Variants in SGSM1 observed in about 807,000 individuals in gnomAD.
The protein encoded by SGSM1 is RUN and TBC1 domain containing 2.
Under a neutral mutation model 133.8 loss-of-function variants are expected in SGSM1, and 73 were observed. The observed-to-expected ratio is 0.55, with a 90% CI of 0.45 to 0.66. SGSM1 has a LOEUF of 0.66. SGSM1 is among the 30% of genes least tolerant of loss of function. The pLI, the probability that SGSM1 is intolerant of heterozygous loss-of-function variation, is 0.00. For missense variants in SGSM1, 1,213 were observed against 1,448.1 expected (o/e 0.84, Z 2.64); for synonymous variants, 563 against 573.0 (o/e 0.98, Z 0.25).
At chr22:24,809,957 GAC>G (rs1014222013) in intron 2 of SGSM1, among the ~76,000 whole-genome samples, 7 of 152,162 alleles carry the variant, frequency 4.6e-5, no homozygotes, top group Non-Finnish European at 8.8e-5. Context: ...AGGGTTGAGA[GAC>G]ACTAAGAAAA....
chr22:24,818,739 C>T (rs562176990), intron 2 of SGSM1, among the ~76,000 whole-genome samples: 6 of 152,086 alleles, frequency 3.9e-5, no homozygotes, highest in South Asian at 2.1e-4. Context: ...CCCTGCAGAA[C>T]GGTGTGATAC....
At position 24,925,006 on chromosome 22, in the gene SGSM1, T is replaced by G. The variant is rs892877836; in HGVS notation, c.*732T>G. On this transcript the variant is annotated 3_prime_UTR_variant, in exon 25 of 25. Coordinates refer to ENST00000400358, the MANE Select transcript of SGSM1 (RefSeq NM_001098497.3). ...GAGAAGGGACTACAAATGTACTTCC[T>G]CCCCCATTCTTTTGACGCTAAGCCA... 1 of 152,132 alleles carries G rather than the reference T, an allele frequency of 6.6e-6. No individual in the cohort carries two copies. Among genetic ancestry groups the G allele is most frequent in the African/African-American group, 2.4e-5 (1 of 41,392 alleles). 9.4% of individuals were successfully genotyped at this position (152,132 alleles called of 1,614,324 possible). A position where few individuals can be genotyped will look rare whatever the true frequency, so the allele number is the denominator to read the frequency against.
chr22:24,893,305 A>T, intron 16 of SGSM1, 126 bp from the exon 17 acceptor site: 2 of 984,820 alleles, frequency 2.0e-6, no homozygotes, highest in Non-Finnish European at 3.0e-6. Context: ...GTGCTCAGTT[A>T]ATATCTGCTG....
chr22:24,916,012 C>G (rs972227772), intron 22 of SGSM1, among the ~76,000 whole-genome samples: 11 of 151,062 alleles, frequency 7.3e-5, no homozygotes, highest in African/African-American at 2.7e-4. Flanking sequence ...AATAGCATAT[C>G]CAATAGCTGG....
intron 4 of SGSM1, among the ~76,000 whole-genome samples, chr22:24,848,942 T>C (rs894104267): frequency 5.3e-5 from 8 of 152,222 alleles, no homozygotes; most frequent in Non-Finnish European, 1.0e-4. Flanking sequence ...GAATGACTTC[T>C]CAGCCAACTG....
chr22:24,861,817 T>G (rs1417659549), intron 9 of SGSM1, among the ~76,000 whole-genome samples: 2 of 151,414 alleles, frequency 1.3e-5, no homozygotes, highest in Non-Finnish European at 2.9e-5. Context: ...CTCAAGGTTA[T>G]TTTTATTTTT....
At chr22:24,821,748 G>A (rs954772783) in intron 2 of SGSM1, among the ~76,000 whole-genome samples, 3 of 152,142 alleles carry the variant, frequency 2.0e-5, no homozygotes, top group African/African-American at 7.2e-5. Flanking sequence ...CCCAAAGTCT[G>A]TATTTAAGAC....
chr22:24,885,657 C>T (rs1483040241), intron 15 of SGSM1, among the ~76,000 whole-genome samples: 1 of 151,296 alleles, frequency 6.6e-6, no homozygotes, highest in East Asian at 2.0e-4. Flanking sequence ...CTCCTGACCT[C>T]GTGATCCGCC....
intron 2 of SGSM1, among the ~76,000 whole-genome samples, chr22:24,822,571 T>A (rs989163869): frequency 6.6e-6 from 1 of 152,176 alleles, no homozygotes; most frequent in Non-Finnish European, 1.5e-5. Context: ...CGATTCCTCT[T>A]GGGGAGCTGA....
intron 18 of SGSM1, 93 bp from the exon 19 acceptor site, chr22:24,897,879 C>T (rs1459088308): frequency 4.2e-5 from 47 of 1,123,132 alleles, no homozygotes; most frequent in Admixed American, 1.3e-4. Context: ...CATATTTAAG[C>T]CGATCACCTG....
intron 13 of SGSM1, among the ~76,000 whole-genome samples, chr22:24,877,714 A>T (rs1932093560): frequency 6.6e-6 from 1 of 151,818 alleles, no homozygotes; most frequent in African/African-American, 2.4e-5. Flanking sequence ...AAACTTCCTG[A>T]ATCAGAACCT....
intron 2 of SGSM1, among the ~76,000 whole-genome samples, chr22:24,824,392 G>A (rs1218327006): frequency 6.6e-6 from 1 of 152,242 alleles, no homozygotes; most frequent in Admixed American, 6.5e-5. Flanking sequence ...GGCACAGCTT[G>A]TAGGGCTGTG....
At chr22:24,923,997 C>G (rs984918028) in intron 24 of SGSM1, among the ~76,000 whole-genome samples, 189 bp from the exon 25 acceptor site, 1 of 152,136 alleles carries the variant, frequency 6.6e-6, no homozygotes, top group Non-Finnish European at 1.5e-5. Context: ...GGTGAGGTGG[C>G]TGCTGTTCCA....
At chr22:24,806,798 G>A (rs1927419338) in intron 2 of SGSM1, among the ~76,000 whole-genome samples, 1 of 151,882 alleles carries the variant, frequency 6.6e-6, no homozygotes, top group Admixed American at 6.5e-5. Context: ...GAGCAGGTGG[G>A]CGCGGCTCAG....
chr22:24,814,165 A>C (rs1927921849), intron 2 of SGSM1: 1 of 152,186 alleles, frequency 6.6e-6, no homozygotes, highest in African/African-American at 2.4e-5. Context: ...TATTTATTCA[A>C]GACTAATTAA....
intron 21 of SGSM1, among the ~76,000 whole-genome samples, chr22:24,908,947 A>G (rs1681771574): frequency 6.6e-6 from 1 of 152,204 alleles, no homozygotes; most frequent in Non-Finnish European, 1.5e-5. Flanking sequence ...TCGGGGCCCC[A>G]AGCCCTGTGC....
In SGSM1 at chr22:24,869,526, A is replaced by G. The variant is rs141529917; in HGVS notation, c.1291+671A>G. ...ACAAAGTGAAGGCCTGTCTCAAAAT[A>G]AATGCAAATTAAAATACTTTTTAAA... On this transcript the variant is annotated intron_variant, in intron 12 of 24. Transcript: ENST00000400358. Among the ~76,000 whole-genome samples, 197 of 152,330 alleles carry G rather than the reference A, an allele frequency of 1.3e-3. 1 individual carries two copies. The highest frequency in any genetic ancestry group is 4.6e-3 in the African/African-American group (192 of 41,562).
chr22:24,922,193 T>C (rs1461796626), intron 24 of SGSM1, among the ~76,000 whole-genome samples: 2 of 146,124 alleles, frequency 1.4e-5, no homozygotes, highest in African/African-American at 5.1e-5. Flanking sequence ...TTTTTTTTTT[T>C]TTTTTTTGTG....
chr22:24,916,915 G>A (rs1019056423), intron 22 of SGSM1, among the ~76,000 whole-genome samples: 3 of 151,998 alleles, frequency 2.0e-5, no homozygotes, highest in African/African-American at 7.3e-5. Context: ...GTCTCACTCT[G>A]TCACCCAGGC....
Sources: gnomAD v4.1 joint callset for allele counts (sites outside exome capture counted in the v4.1 genomes callset) on GRCh38, gnomAD v4.1.1 for gene constraint, MANE v1.5 for transcripts, NCBI Gene and HGNC (gene_info 2026-07-23, HGNC 2026-07-21) for gene names.